Variants in CLSPN observed in about 807,000 individuals in gnomAD.
CLSPN encodes the protein claspin.
CLSPN carries 85 observed loss-of-function variants against 156.3 expected under a neutral mutation model. The observed-to-expected ratio is 0.54, with a 90% CI of 0.46 to 0.65. The LOEUF is 0.65. Ranked by LOEUF, CLSPN falls within the 30% of genes least tolerant of loss-of-function variation. CLSPN has a pLI of 0.00. For missense variants in CLSPN, 1,407 were observed against 1,554.9 expected (o/e 0.90, Z 1.60); for synonymous variants, 534 against 542.4 (o/e 0.98, Z 0.22).
In CLSPN at chr1:35,735,013, CA is replaced by C. The variant is rs1216299417; in HGVS notation, c.*1482del. 5.1e-6 allele frequency: 5 copies of C among 985,250 alleles called. No homozygotes were observed. The highest frequency in any genetic ancestry group is 6.0e-6 in the Non-Finnish European group (5 of 829,904). 61.0% of individuals were successfully genotyped at this position (985,250 alleles called of 1,614,324 possible). On this transcript the variant is annotated 3_prime_UTR_variant, in exon 25 of 25. Transcript: ENST00000318121. ...ATTAAATTCCATGGTGGCCTTCTCTCAAAATTAGTAATGAAATGCTGAAATG... is the reference window on the plus strand; with the variant it reads ...ATTAAATTCCATGGTGGCCTTCTCTCAAATTAGTAATGAAATGCTGAAATG...
In CLSPN at chr1:35,746,835, T is replaced by C. The variant is rs776925100; in HGVS notation, c.2785A>G (p.Arg929Gly). Reference sequence around the variant, plus strand: ...ATGTTCTCTTTCTTGTCACTCTTCCTGGGTAGATGTTTTTCAGCCTGAGAT... The same window carrying C: ...ATGTTCTCTTTCTTGTCACTCTTCCCGGGTAGATGTTTTTCAGCCTGAGAT... ...FTSQAEKHLP[R>G]KSDKKENMEE... Residue 929 changes from arginine (R) to glycine (G), a missense_variant, in exon 15 of 25, where the codon AGG becomes GGG. Around this residue, in one of 3 missense-constraint regions of CLSPN, gnomAD observed 1,096 missense variants for 1,193.0 expected, o/e 0.92. Coordinates refer to ENST00000318121, the MANE Select transcript of CLSPN (RefSeq NM_022111.4). This position sits in a 1 kb window ranked among gnomAD's most constrained non-coding sequence, Gnocchi z 4.2. 3.1e-6 allele frequency: 5 copies of C among 1,614,090 alleles called. No homozygotes were observed. In the South Asian group the frequency reaches 3.3e-5, roughly 11 times the overall value.
At chr1:35,763,938 C>T (rs914179681) in intron 3 of CLSPN, among the ~76,000 whole-genome samples, 2 of 151,954 alleles carry the variant, frequency 1.3e-5, no homozygotes, top group Non-Finnish European at 2.9e-5. Flanking sequence ...GGGACTACAG[C>T]TGGGACTACG....
At chr1:35,753,714 A>G in intron 9 of CLSPN, 31 bp downstream of exon 9, 1 of 1,598,088 alleles carries the variant, frequency 6.3e-7, no homozygotes, top group African/African-American at 1.4e-5. Context: ...CAAAGCAAAA[A>G]GCAAAAAACA....
At chr1:35,753,465 C>A (rs1271888520) in intron 9 of CLSPN, among the ~76,000 whole-genome samples, 1 of 152,016 alleles carries the variant, frequency 6.6e-6, no homozygotes, top group Non-Finnish European at 1.5e-5. Flanking sequence ...GTTATAGAAC[C>A]TGTCTCTGAT....
intron 8 of CLSPN, among the ~76,000 whole-genome samples, chr1:35,755,836 G>A (rs1642255910): frequency 6.6e-6 from 1 of 152,124 alleles, no homozygotes; most frequent in Non-Finnish European, 1.5e-5. Flanking sequence ...ACCCTCCCAA[G>A]TAGCTAGGAC....
Position 35,734,778 on chromosome 1 carries a change from C to T in CLSPN, c.*1718G>A, listed in dbSNP as rs990493766. 7 of 984,942 alleles carry T rather than the reference C, an allele frequency of 7.1e-6. No homozygotes were observed. In the African/African-American group the frequency reaches 8.7e-5, roughly 12 times the overall value. The allele number at this position is 984,942 out of a possible 1,614,324, so 61.0% of individuals were successfully genotyped here. Reference sequence around the variant, plus strand: ...TAATTGCATCAATTAAATTGGTGTTCCCATCTCCCAGTAAAAAACTGGCAC... The same window carrying T: ...TAATTGCATCAATTAAATTGGTGTTTCCATCTCCCAGTAAAAAACTGGCAC... On this transcript the variant is annotated 3_prime_UTR_variant, in exon 25 of 25. Transcript: ENST00000318121.
At chr1:35,739,732 G>T (rs1188100093) in intron 18 of CLSPN, among the ~76,000 whole-genome samples, 1 of 152,116 alleles carries the variant, frequency 6.6e-6, no homozygotes, top group Non-Finnish European at 1.5e-5. Context: ...AATGTGATAC[G>T]CACTTAGTAT....
At position 35,745,531 on chromosome 1, in the gene CLSPN, A is replaced by G. The variant is rs756496299; in HGVS notation, c.2886T>C (p.Asn962=). 2.9e-5 allele frequency: 46 copies of G among 1,613,878 alleles called. No homozygotes were observed. Among genetic ancestry groups the G allele is most frequent in the Non-Finnish European group, 3.7e-5 (44 of 1,179,912 alleles). ...DASTPASSEL[N]KQEKESSMGD... is the part of the protein sequence containing the mutation. ...CCATGCTGCTCTCCTTCTCCTGTTT[A>G]TTTAACTCTGATGAGGCTGGAGTGG... The change falls in exon 16 of 25, where the codon AAT becomes AAC. Residue 962 remains asparagine (N), a synonymous_variant. Transcript: ENST00000318121.
In CLSPN at chr1:35,760,791, G is replaced by C; in HGVS notation, c.1130C>G (p.Thr377Ser). 6.2e-7 allele frequency: 1 copy of C among 1,613,686 alleles called. No homozygotes were observed. The highest frequency in any genetic ancestry group is 2.2e-5 in the East Asian group (1 of 44,890). Reference sequence around the variant, plus strand: ...CTTTGAAACTACAGGGAGTGCATTAGTTTCCACTTCATTTTCTGCACCTGT... The same window carrying C: ...CTTTGAAACTACAGGGAGTGCATTACTTTCCACTTCATTTTCTGCACCTGT... Reference protein sequence around the residue: ...QTTGAENEVETNALPVVSKET... With the variant: ...QTTGAENEVESNALPVVSKET... Residue 377 changes from threonine (T) to serine (S), a missense_variant, in exon 8 of 25, where the codon ACT (threonine) becomes AGT (serine). By Grantham distance (58) the Thr-to-Ser change is moderately conservative. This residue lies in a region of CLSPN where 1,096 missense variants were observed against 1,193.0 expected (regional missense o/e 0.92). Transcript: ENST00000318121.
At chr1:35,755,059 C>T (rs1172592943) in intron 8 of CLSPN, among the ~76,000 whole-genome samples, 3 of 152,102 alleles carry the variant, frequency 2.0e-5, no homozygotes, top group African/African-American at 7.2e-5. Flanking sequence ...GGAGTTGATG[C>T]ACACTGGATA....
downstream of CLSPN, among the ~76,000 whole-genome samples, chr1:35,729,140 C>T (rs776014445): frequency 7.9e-5 from 12 of 151,916 alleles, no homozygotes; most frequent in Non-Finnish European, 1.3e-4. Flanking sequence ...GGCAGTCAGC[C>T]TTTTTCCTTC....
chr1:35,754,022 C>A, intron 8 of CLSPN, 86 bp from the exon 9 acceptor site: 2 of 1,230,754 alleles, frequency 1.6e-6, no homozygotes, highest in South Asian at 1.5e-5. Context: ...TTTTTTAGCT[C>A]AACAATTATG....
In CLSPN at chr1:35,765,994, C is replaced by CTCTTTTT. The variant is rs60908491; in HGVS notation, c.25-669_25-668insAAAAAGA. ...GGGTGGTTTCTTTCTCTCTCTCTCT[C>CTCTTTTT]TTTTTTTTTTTTTTTTTTGAGATAG... is the stretch of plus-strand genomic sequence containing the variant. On this transcript the variant is annotated intron_variant, in intron 1 of 24. Coordinates refer to ENST00000318121, the MANE Select transcript of CLSPN (RefSeq NM_022111.4). Among the ~76,000 whole-genome samples the CTCTTTTT allele has an allele frequency of 1.1e-3, 118 of 106,456 alleles. 3 individuals are homozygous for CTCTTTTT. Among genetic ancestry groups the CTCTTTTT allele is most frequent in the East Asian group, 7.3e-3 (23 of 3,164 alleles). The allele number at this position is 106,456 out of a possible 152,430, so 69.8% of individuals were successfully genotyped here.
Position 35,732,129 on chromosome 1 carries a change from T to G in CLSPN, c.*4367A>C. On this transcript the variant is annotated 3_prime_UTR_variant, in exon 25 of 25. Transcript: ENST00000318121. ...AGAGGCTCTGAAAGGTGTAGTGTTATTTATTCAAACTGTGGTAGGCACCAC... is the reference window on the plus strand; with the variant it reads ...AGAGGCTCTGAAAGGTGTAGTGTTAGTTATTCAAACTGTGGTAGGCACCAC... 9 of 981,678 alleles carry G rather than the reference T, an allele frequency of 9.2e-6. No individual in the cohort carries two copies. The highest frequency in any genetic ancestry group is 1.1e-5 in the Non-Finnish European group (9 of 826,520). The allele number at this position is 981,678 out of a possible 1,614,324, so 60.8% of individuals were successfully genotyped here.
intron 8 of CLSPN, among the ~76,000 whole-genome samples, chr1:35,757,509 T>C (rs1282049814): frequency 6.6e-6 from 1 of 152,040 alleles, no homozygotes; most frequent in African/African-American, 2.4e-5. Flanking sequence ...AAGCCAAGTA[T>C]AATGCTGGAA....
chr1:35,755,067 A>T (rs968512385), intron 8 of CLSPN, among the ~76,000 whole-genome samples: 1 of 152,084 alleles, frequency 6.6e-6, no homozygotes, highest in Admixed American at 6.5e-5. Flanking sequence ...TGCACACTGG[A>T]TATTTTCAGG....
rs1392984762 is a variant in CLSPN at position 35,748,584 on chromosome 1, A to G, written c.2293T>C (p.Leu765=). 6.2e-7 allele frequency: 1 copy of G among 1,613,906 alleles called. No individual in the cohort carries two copies. Among genetic ancestry groups the G allele is most frequent in the Non-Finnish European group, 8.5e-7 (1 of 1,179,908 alleles). ...SKLDEDDSCS[L]LTKESSHNSS... The stretch of plus-strand genomic sequence containing the variant: ...TTGTGGCTGCTCTCCTTTGTTAGCA[A>G]TGAACATGAATCATCCTCATCTAAA... Residue 765 remains leucine (L), a synonymous_variant, in exon 13 of 25, where the codon TTG becomes CTG. Coordinates refer to ENST00000318121, the MANE Select transcript of CLSPN (RefSeq NM_022111.4).
chr1:35,750,701 A>T (rs1005938317), intron 10 of CLSPN, among the ~76,000 whole-genome samples: 2 of 151,988 alleles, frequency 1.3e-5, no homozygotes, highest in South Asian at 4.1e-4. Context: ...CCCAAAAAGG[A>T]AAGTTTTTTA....
rs1641362771 is a variant in CLSPN at position 35,733,304 on chromosome 1, A to G, written c.*3192T>C. 4.2e-6 allele frequency: 1 copy of G among 239,566 alleles called. No homozygotes were observed. Among genetic ancestry groups the G allele is most frequent in the Non-Finnish European group, 6.4e-6 (1 of 155,510 alleles). 14.8% of individuals were successfully genotyped at this position (239,566 alleles called of 1,614,324 possible). On this transcript the variant is annotated 3_prime_UTR_variant, in exon 25 of 25. Coordinates refer to ENST00000318121, the MANE Select transcript of CLSPN (RefSeq NM_022111.4). Reference sequence around the variant, plus strand: ...TTCTCCCTGGATTTCTCAGGCACTAATTTTCTTTTTTTTTTCTTTTTTTTT... The same window carrying G: ...TTCTCCCTGGATTTCTCAGGCACTAGTTTTCTTTTTTTTTTCTTTTTTTTT...
Sources: allele counts gnomAD v4.1 joint callset (sites outside exome capture counted in the v4.1 genomes callset), GRCh38; gene constraint gnomAD v4.1.1; regional missense constraint gnomAD v4.1.1; non-coding constraint Gnocchi (gnomAD v3.1); transcripts MANE v1.5; gene names NCBI Gene and HGNC (gene_info 2026-07-23, HGNC 2026-07-21).